Variants in LTBP4 observed in about 807,000 individuals in gnomAD.
LTBP4 encodes latent transforming growth factor beta binding protein 4.
LTBP4 carries 93 observed loss-of-function variants against 180.2 expected under a neutral mutation model. The observed-to-expected ratio is 0.52, with a 90% CI of 0.44 to 0.61. The LOEUF (loss-of-function observed/expected upper bound fraction) is 0.61, where lower values mean the gene tolerates loss of function less well. LTBP4 is among the 20% of genes least tolerant of loss of function. The pLI, the probability that LTBP4 is intolerant of heterozygous loss-of-function variation, is 0.00. For synonymous variants in LTBP4, 947 were observed against 934.5 expected, an observed-to-expected ratio of 1.01 and a Z score of -0.24; for missense variants, 2,116 against 2,256.5, an observed-to-expected ratio of 0.94 and a Z score of 1.26.
At chr19:40,610,399 G>A in intron 11 of LTBP4, 133 bp from the exon 12 acceptor site, 1 of 1,085,698 alleles carries the variant, frequency 9.2e-7, no homozygotes, top group East Asian at 2.6e-5. Context: ...CTCTCCGGCT[G>A]TCCTGGCCGG....
At chr19:40,593,328 G>A (rs956135683) in intron 1 of LTBP4, 18 of 836,066 alleles carry the variant, frequency 2.2e-5, no homozygotes, top group South Asian at 1.5e-4. Context: ...CTGCAGCCTC[G>A]GCCTTCTGGG....
rs2081638977 is a variant in LTBP4 at position 40,627,029 on chromosome 19, G to A, written c.4040G>A (p.Arg1347Gln). The A allele has an allele frequency of 1.9e-6, 3 of 1,603,106 alleles. No homozygotes were observed. Among genetic ancestry groups the A allele is most frequent in the African/African-American group, 1.3e-5 (1 of 74,634 alleles). ...CGCCCCCCCGCATATAGCCCCCCGC[G>A]ACCAGGTGGCTTTGGACTCCCCTAC... ...VLRPPAYSPP[R>Q]PGGFGLPYEY... is the part of the protein sequence containing the mutation. The change falls in exon 28 of 30, where the codon CGA (arginine) becomes CAA (glutamine). Residue 1347 changes from arginine to glutamine, a missense_variant. By Grantham distance (43) the Arg-to-Gln change is conservative. Transcript: ENST00000396819.
At chr19:40,624,187 C>T in intron 26 of LTBP4, 105 bp downstream of exon 26, 4 of 1,343,742 alleles carry the variant, frequency 3.0e-6, no homozygotes, top group Non-Finnish European at 3.0e-6. Context: ...GGCCACGCCC[C>T]ATGCTCCTGG....
Position 40,605,726 on chromosome 19 carries a change from C to T in LTBP4, c.691-3C>T. The T allele has an allele frequency of 6.5e-7, 1 of 1,546,622 alleles. No individual in the cohort carries two copies. Among genetic ancestry groups the T allele is most frequent in the Non-Finnish European group, 8.7e-7 (1 of 1,146,476 alleles). On this transcript the variant is annotated splice_region_variant and splice_polypyrimidine_tract_variant and intron_variant, in intron 3 of 29. Coordinates refer to ENST00000396819, the MANE Select transcript of LTBP4 (RefSeq NM_001042545.2). The surrounding 1 kb of genome is among the most constrained non-coding windows in gnomAD (Gnocchi z 5.5). The stretch of plus-strand genomic sequence containing the variant: ...GGCGCGCTCACCCAACACTTCCCCG[C>T]AGTGCGCGTCCCCGCTGCCCGGGCT...
Position 40,622,722 on chromosome 19 carries a change from TG to T in LTBP4, c.3484+59del. 1 of 1,536,478 alleles carries T rather than the reference TG, an allele frequency of 6.5e-7. No individual in the cohort carries two copies. The highest frequency in any genetic ancestry group is 8.8e-7 in the Non-Finnish European group (1 of 1,142,682). On this transcript the variant is annotated intron_variant, in intron 23 of 29. Transcript: ENST00000396819. This position sits in a 1 kb window ranked among gnomAD's most constrained non-coding sequence, Gnocchi z 5.1. ...TGAGGGCTTGGGTGGAAATACTGGG[TG>T]GGGTGTGGGCCTGGGACAGGGGACA...
At position 40,611,738 on chromosome 19, in the gene LTBP4, G is replaced by T. The variant is rs2081507864; in HGVS notation, c.2054-121G>T. 1 of 1,423,702 alleles carries T rather than the reference G, an allele frequency of 7.0e-7. No homozygotes were observed. 88.2% of individuals were successfully genotyped at this position (1,423,702 alleles called of 1,614,324 possible). A position where few individuals can be genotyped will look rare whatever the true frequency, so the allele number is the denominator to read the frequency against. ...GAAGGTGTCTGTCTTCCTGGGAAGAGGGAGCAGCCTGAGGCAAGTCCAGAA... is the reference window on the plus strand; with the variant it reads ...GAAGGTGTCTGTCTTCCTGGGAAGATGGAGCAGCCTGAGGCAAGTCCAGAA... On this transcript the variant is annotated intron_variant, in intron 13 of 29. Coordinates refer to ENST00000396819, the MANE Select transcript of LTBP4 (RefSeq NM_001042545.2). The surrounding 1 kb of genome is among the most constrained non-coding windows in gnomAD (Gnocchi z 4.4).
intron 1 of LTBP4, 103 bp downstream of exon 1, chr19:40,601,740 A>T (rs1331790082): frequency 1.1e-6 from 1 of 918,412 alleles, no homozygotes; most frequent in Non-Finnish European, 1.5e-6. Flanking sequence ...CAGATTCCAT[A>T]TGCAATAGTG....
rs748202203 is a variant in LTBP4 at position 40,612,000 on chromosome 19, G to A, written c.2179+16G>A. ...GAGTGCGAGGGTGAGGCCGGGGAGGGAGGGAGGAGTGTGGATGGGTGAGGG... is the reference window on the plus strand; with the variant it reads ...GAGTGCGAGGGTGAGGCCGGGGAGGAAGGGAGGAGTGTGGATGGGTGAGGG... On this transcript the variant is annotated intron_variant, in intron 14 of 29. Transcript: ENST00000396819. This position sits in a 1 kb window ranked among gnomAD's most constrained non-coding sequence, Gnocchi z 4.4. 5 of 1,611,714 alleles carry A rather than the reference G, an allele frequency of 3.1e-6. No individual in the cohort carries two copies. Among genetic ancestry groups the A allele is most frequent in the Non-Finnish European group, 3.4e-6 (4 of 1,178,672 alleles).
upstream of LTBP4, chr19:40,601,246 C>T (rs2081421059): frequency 1.9e-5 from 12 of 619,846 alleles, no homozygotes; most frequent in Non-Finnish European, 2.4e-5. Flanking sequence ...CGCGCCCCCG[C>T]GCGGCCGCCG....
In LTBP4 at chr19:40,611,488, CAG is replaced by C; in HGVS notation, c.2053+95_2053+96del. On this transcript the variant is annotated intron_variant, in intron 13 of 29. Transcript: ENST00000396819. The surrounding 1 kb of genome is among the most constrained non-coding windows in gnomAD (Gnocchi z 4.4). The stretch of plus-strand genomic sequence containing the variant: ...GGCAGAGAGGCAGAGTGATGGGGCT[CAG>C]GGATGGAGAACAGGGGCTGAGGGAT... 6 of 1,499,560 alleles carry C rather than the reference CAG, an allele frequency of 4.0e-6. No homozygotes were observed. Among genetic ancestry groups the C allele is most frequent in the Non-Finnish European group, 5.3e-6 (6 of 1,124,996 alleles). 92.9% of individuals were successfully genotyped at this position (1,499,560 alleles called of 1,614,324 possible).
intron 19 of LTBP4, among the ~76,000 whole-genome samples, chr19:40,616,177 C>T (rs2081547238): frequency 6.6e-6 from 1 of 151,968 alleles, no homozygotes; most frequent in African/African-American, 2.4e-5. Flanking sequence ...GCTTGTAATC[C>T]CAGCTACTCA....
Position 40,605,850 on chromosome 19 carries a change from C to T in LTBP4, c.793+19C>T. 1.3e-6 allele frequency: 2 copies of T among 1,534,894 alleles called. No individual in the cohort carries two copies. Among genetic ancestry groups the T allele is most frequent in the Non-Finnish European group, 1.7e-6 (2 of 1,145,874 alleles). ...CGCCTGGGTAAGCCCCAGGACGTCC[C>T]CGAAGTGCTCGGAGCTGGGGAGTGG... On this transcript the variant is annotated intron_variant, in intron 4 of 29. Coordinates refer to ENST00000396819, the MANE Select transcript of LTBP4 (RefSeq NM_001042545.2). This position sits in a 1 kb window ranked among gnomAD's most constrained non-coding sequence, Gnocchi z 5.5.
chr19:40,621,536 G>T (rs1302014919), intron 22 of LTBP4, among the ~76,000 whole-genome samples: 1 of 152,134 alleles, frequency 6.6e-6, no homozygotes, highest in Non-Finnish European at 1.5e-5. Context: ...CCTCCCTCTG[G>T]CCGCCATGTG....
chr19:40,614,088 T>G (rs2081529372), intron 18 of LTBP4, 50 bp downstream of exon 18: 1 of 1,600,996 alleles, frequency 6.2e-7, no homozygotes, highest in African/African-American at 1.3e-5. Flanking sequence ...ACTCCCCGAC[T>G]CGCCGATTGG....
At position 40,622,867 on chromosome 19, in the gene LTBP4, A is replaced by G. The variant is rs377163836; in HGVS notation, c.3485-83A>G. 2,079 of 1,465,598 alleles carry G rather than the reference A, an allele frequency of 1.4e-3. 26 individuals carry two copies. In the Middle Eastern group the frequency reaches 0.029, roughly 21 times the overall value. 90.8% of individuals were successfully genotyped at this position (1,465,598 alleles called of 1,614,324 possible). On this transcript the variant is annotated intron_variant, in intron 23 of 29. Transcript: ENST00000396819. The surrounding 1 kb of genome is among the most constrained non-coding windows in gnomAD (Gnocchi z 5.1). ...CACTAACAGGCACAGGGCCAGAGGG[A>G]CTTTTGTGACAAGTGGGCACGAGCA...
upstream of LTBP4, among the ~76,000 whole-genome samples, chr19:40,600,772 G>C (rs1412112840): frequency 4.6e-5 from 7 of 152,062 alleles, no homozygotes; most frequent in South Asian, 4.2e-4. The surrounding 1 kb of genome is among the most constrained non-coding windows in gnomAD (Gnocchi z 4.4). Context: ...TATCCATTGT[G>C]ACTTCTCCCG....
intron 27 of LTBP4, 45 bp from the exon 28 acceptor site, chr19:40,626,930 G>A (rs776710098): frequency 1.1e-5 from 16 of 1,508,768 alleles, no homozygotes; most frequent in Admixed American, 4.2e-5. Flanking sequence ...TGGTGGGTGT[G>A]GGGGCCAGCA....
At position 40,609,592 on chromosome 19, in the gene LTBP4, C is replaced by T; in HGVS notation, c.1489C>T (p.Arg497Trp). 2 of 1,613,530 alleles carry T rather than the reference C, an allele frequency of 1.2e-6. No homozygotes were observed. The highest frequency in any genetic ancestry group is 1.1e-5 in the South Asian group (1 of 91,082). The change falls in exon 10 of 30, where the codon CGG becomes TGG. Residue 497 changes from arginine (R) to tryptophan (W), a missense_variant. By Grantham distance (101) the Arg-to-Trp change is moderately radical (BLOSUM62 -3). Transcript: ENST00000396819. The surrounding 1 kb of genome is among the most constrained non-coding windows in gnomAD (Gnocchi z 4.9). Reference protein sequence around the residue: ...QVCGPGRCISRPSGYTCACDS... With the variant: ...QVCGPGRCISWPSGYTCACDS... ...CTGCGGCCCAGGACGCTGCATTTCC[C>T]GGCCCAGCGGCTACACCTGCGCTTG... is the stretch of plus-strand genomic sequence containing the variant.
At chr19:40,595,905 ATTTTTTTTTTTTTTTTTTTT>A (rs60121587) in intron 1 of LTBP4, among the ~76,000 whole-genome samples, 2 of 60,044 alleles carry the variant, frequency 3.3e-5, no homozygotes, top group Admixed American at 2.7e-4. Flanking sequence ...TAATTTTTGG[ATTTTTTTTTTTTTTTTTTTT>A]TTTTTTTTTT....
Sources: allele counts gnomAD v4.1 joint callset (sites outside exome capture counted in the v4.1 genomes callset), GRCh38; gene constraint gnomAD v4.1.1; non-coding constraint Gnocchi (gnomAD v3.1); transcripts MANE v1.5; gene names NCBI Gene and HGNC (gene_info 2026-07-23, HGNC 2026-07-21).